RAPGEF2: variants seen among roughly 807,000 people sequenced by gnomAD.
RAPGEF2 encodes PDZ domain containing guanine nucleotide exchange factor (GEF) 1.
In RAPGEF2, 54 loss-of-function variants were observed where a neutral mutation model predicts 186.7. The ratio of observed to expected loss-of-function variants is 0.29; its 90% CI spans 0.23 to 0.36. The LOEUF (loss-of-function observed/expected upper bound fraction) is 0.36. Among genes scored for constraint, RAPGEF2 ranks in the 10% least tolerant of loss-of-function variants. The probability of loss-of-function intolerance (pLI) is 1.00; values close to 1 mark genes in which losing one functional copy is unlikely to be tolerated. For missense variants in RAPGEF2, 1,532 were observed against 2,045.0 expected, an observed-to-expected ratio of 0.75 and a Z score of 4.84; for synonymous variants, 712 against 705.9, an observed-to-expected ratio of 1.01 and a Z score of -0.14.
chr4:159,113,408 T>C (rs1466683973), intron 1 of RAPGEF2, among the ~76,000 whole-genome samples: 2 of 152,184 alleles, frequency 1.3e-5, no homozygotes, highest in African/African-American at 4.8e-5. Context: ...AAGTTTTTTT[T>C]GTGAACCTGA....
Position 159,353,182 on chromosome 4 carries a change from G to A in RAPGEF2, c.4091+272G>A, listed in dbSNP as rs1007420270. On this transcript the variant is annotated intron_variant, in intron 27 of 29. Coordinates refer to ENST00000691494, the MANE Select transcript of RAPGEF2 (RefSeq NM_001394067.2). The surrounding 1 kb of genome is among the most constrained non-coding windows in gnomAD (Gnocchi z 4.3). ...CTGTAGGATCCATCCCAGTTGTTTCGTATGAGCTGCCTTCCTGAAATAATC... is the reference window on the plus strand; with the variant it reads ...CTGTAGGATCCATCCCAGTTGTTTCATATGAGCTGCCTTCCTGAAATAATC... Among the ~76,000 whole-genome samples, 4 of 151,808 alleles carry A rather than the reference G, an allele frequency of 2.6e-5. No individual in the cohort carries two copies. Among genetic ancestry groups the A allele is most frequent in the Admixed American group, 6.6e-5 (1 of 15,242 alleles).
chr4:159,299,538 A>G lies in RAPGEF2; in HGVS notation c.544-4804A>G, dbSNP rs542094032. On this transcript the variant is annotated intron_variant, in intron 7 of 29. Coordinates refer to ENST00000691494, the MANE Select transcript of RAPGEF2 (RefSeq NM_001394067.2). ...GTACCACAGATGCTGCGCTATATCA[A>G]TAATTAGTAATTCAGGACGGAAAGG... Among the ~76,000 whole-genome samples, 58 of 152,212 alleles carry G rather than the reference A, an allele frequency of 3.8e-4. No individual in the cohort carries two copies. In the Middle Eastern group the frequency reaches 0.017, roughly 45 times the overall value.
chr4:159,219,501 A>G (rs1009862015), intron 4 of RAPGEF2, among the ~76,000 whole-genome samples: 82 of 151,362 alleles, frequency 5.4e-4, no homozygotes, highest in East Asian at 1.6e-3. Flanking sequence ...GACTACAGGC[A>G]CCCGCCACCA....
rs746585940 is a variant in RAPGEF2, at chr4:159,200,058, C to CTA, written c.197+6803_197+6804insAT. 2.1e-3 allele frequency among the ~76,000 whole-genome samples: 313 copies of CTA among 152,118 alleles called. 2 individuals are homozygous for CTA. The highest frequency in any genetic ancestry group is 2.3e-3 in the Non-Finnish European group (158 of 68,010). On this transcript the variant is annotated intron_variant, in intron 3 of 29. Transcript: ENST00000691494. ...TCGATTTGATGTAATCTCTCTCTCT[C>CTA]TCTATATATATATATAGTTTGTATT...
rs1730103734 is a variant in RAPGEF2 at position 159,345,159 on chromosome 4, G to A, written c.3332G>A (p.Gly1111Asp). The change falls in exon 24 of 30, where the codon GGT (glycine) becomes GAT (aspartate). Residue 1111 changes from glycine to aspartate, a missense_variant. Transcript: ENST00000691494. ...NATVLDVAQT[G>D]GHKKRVRRSS... ...ACAGTGCTAGATGTTGCTCAGACAG[G>A]TGGTCATAAAAAGCGGGTACGTCGT... is the stretch of plus-strand genomic sequence containing the variant. The A allele has an allele frequency of 6.2e-7, 1 of 1,614,152 alleles. No homozygotes were observed. The highest frequency in any genetic ancestry group is 8.5e-7 in the Non-Finnish European group (1 of 1,180,000).
chr4:159,124,832 T>C (rs755535278), intron 1 of RAPGEF2, among the ~76,000 whole-genome samples: 2 of 152,326 alleles, frequency 1.3e-5, no homozygotes, highest in South Asian at 4.1e-4. Context: ...AATACTGTTA[T>C]TAACATAACT....
intron 4 of RAPGEF2, among the ~76,000 whole-genome samples, chr4:159,214,213 A>G (rs938511600): frequency 3.3e-5 from 5 of 152,196 alleles, no homozygotes; most frequent in East Asian, 3.8e-4. Flanking sequence ...GAGTGAAGCA[A>G]TTGTGGACAC....
intron 1 of RAPGEF2, among the ~76,000 whole-genome samples, chr4:159,182,491 G>A (rs1311029104): frequency 2.0e-5 from 3 of 148,338 alleles, no homozygotes; most frequent in African/African-American, 7.5e-5. Context: ...CTTCTCCTGG[G>A]TTCAAGCGAT....
intron 7 of RAPGEF2, among the ~76,000 whole-genome samples, chr4:159,258,833 T>C (rs1404960809): frequency 1.3e-5 from 2 of 152,216 alleles, no homozygotes; most frequent in Admixed American, 1.3e-4. Context: ...AGTGGCATTA[T>C]AGATCTTCCT....
At chr4:159,234,369 TA>T (rs11333278) in intron 4 of RAPGEF2, among the ~76,000 whole-genome samples, 38,149 of 151,976 alleles carry the variant, frequency 0.25, 5,386 homozygotes, top group African/African-American at 0.37. Flanking sequence ...TCAGCTGGTG[TA>T]ATAGGACTTA....
At chr4:159,134,301 G>GTA (rs1741455986) in intron 1 of RAPGEF2, among the ~76,000 whole-genome samples, 1 of 152,156 alleles carries the variant, frequency 6.6e-6, no homozygotes. Context: ...CCATAGTGTT[G>GTA]TATGTATCAA....
intron 1 of RAPGEF2, among the ~76,000 whole-genome samples, chr4:159,113,761 A>G (rs1579215266): frequency 7.1e-6 from 1 of 141,676 alleles, no homozygotes; most frequent in Non-Finnish European, 1.6e-5. Flanking sequence ...AAAAAAAAAA[A>G]GTATCTTTTT....
In RAPGEF2 at chr4:159,304,308, A is replaced by AT. The variant is rs1763024872; in HGVS notation, c.544-32dup. ...TGTCTTCTTGGAGTTCTTGATTCAG[A>AT]TTGTAATCCTAGTTTTTCCTGCTCC... is the stretch of plus-strand genomic sequence containing the variant. On this transcript the variant is annotated intron_variant, in intron 7 of 29. Coordinates refer to ENST00000691494, the MANE Select transcript of RAPGEF2 (RefSeq NM_001394067.2). 1.9e-6 allele frequency: 3 copies of AT among 1,551,870 alleles called. No homozygotes were observed. The South Asian group carries it at 3.5e-5, about 18-fold the overall frequency.
intron 29 of RAPGEF2, among the ~76,000 whole-genome samples, chr4:159,357,172 C>T (rs1049826538): frequency 1.3e-5 from 2 of 152,114 alleles, no homozygotes; most frequent in African/African-American, 2.4e-5. Flanking sequence ...CAAGCCTGGG[C>T]AACATAGTGA....
In RAPGEF2 at chr4:159,174,748, TTTTC is replaced by T. The variant is rs200921411; in HGVS notation, c.70-11882_70-11879del. On this transcript the variant is annotated intron_variant, in intron 1 of 29. Transcript: ENST00000691494. ...ACTTCTAGCATTCTTCATACATGTC[TTTTC>T]TTTCTTTCTTTTTTTTTTTTTTGAG... is the stretch of plus-strand genomic sequence containing the variant. Among the ~76,000 whole-genome samples the T allele has an allele frequency of 8.7e-3, 1,112 of 128,226 alleles. 20 individuals are homozygous for T. The highest frequency in any genetic ancestry group is 0.036 in the African/African-American group (1,015 of 28,064). The allele number at this position is 128,226 out of a possible 152,430, so 84.1% of individuals were successfully genotyped here. A position where few individuals can be genotyped will look rare whatever the true frequency, so the allele number is the denominator to read the frequency against.
At chr4:159,260,336 A>C (rs977992745) in intron 7 of RAPGEF2, among the ~76,000 whole-genome samples, 1 of 151,948 alleles carries the variant, frequency 6.6e-6, no homozygotes, top group Non-Finnish European at 1.5e-5. Flanking sequence ...TCGCACTGCC[A>C]AAACAGAAAG....
At chr4:159,279,721 C>T (rs946551600) in intron 7 of RAPGEF2, among the ~76,000 whole-genome samples, 1 of 152,054 alleles carries the variant, frequency 6.6e-6, no homozygotes, top group African/African-American at 2.4e-5. Context: ...TACTCTCACC[C>T]AGGCTGGAGT....
At chr4:159,112,829 C>G (rs1443014058) in intron 1 of RAPGEF2, among the ~76,000 whole-genome samples, 1 of 152,020 alleles carries the variant, frequency 6.6e-6, no homozygotes, top group Non-Finnish European at 1.5e-5. Context: ...CTCAAAATAT[C>G]TCCCCCACAA....
intron 8 of RAPGEF2, among the ~76,000 whole-genome samples, chr4:159,310,255 G>A (rs1021427277): frequency 2.6e-5 from 4 of 152,034 alleles, no homozygotes; most frequent in East Asian, 1.9e-4. Context: ...CTTAAAATAA[G>A]CATTTATAGA....
Sources: gnomAD v4.1 joint callset for allele counts (sites outside exome capture counted in the v4.1 genomes callset) on GRCh38, gnomAD v4.1.1 for gene constraint, Gnocchi (gnomAD v3.1) non-coding constraint, MANE v1.5 for transcripts, NCBI Gene and HGNC (gene_info 2026-07-23, HGNC 2026-07-21) for gene names.